Variants in SUGCT observed in about 807,000 individuals in gnomAD.
SUGCT encodes the protein succinyl-CoA:glutarate-CoA transferase.
SUGCT carries 41 observed loss-of-function variants against 55.0 expected under a neutral mutation model. That is an observed-to-expected ratio of 0.74 (90% confidence interval 0.58 to 0.97). The LOEUF (loss-of-function observed/expected upper bound fraction) is 0.97, where lower values mean the gene tolerates loss of function less well. Ranked by LOEUF, SUGCT falls within the 50% of genes least tolerant of loss-of-function variation. The pLI is 0.00. For synonymous variants in SUGCT, 187 were observed against 200.4 expected, an observed-to-expected ratio of 0.93 and a Z score of 0.56; for missense variants, 568 against 547.8, an observed-to-expected ratio of 1.04 and a Z score of -0.37.
At chr7:40,595,473 T>C (rs1057064483) in intron 12 of SUGCT, among the ~76,000 whole-genome samples, 4 of 152,192 alleles carry the variant, frequency 2.6e-5, no homozygotes, top group African/African-American at 9.6e-5. Context: ...TGACACGTTG[T>C]CATTGATAAA....
intron 12 of SUGCT, among the ~76,000 whole-genome samples, chr7:40,499,895 A>T (rs1792187442): frequency 6.6e-6 from 1 of 152,128 alleles, no homozygotes; most frequent in Non-Finnish European, 1.5e-5. Context: ...TATTTAACAT[A>T]CCCTTGGGAA....
chr7:40,204,754 C>T (rs186476234), intron 6 of SUGCT, among the ~76,000 whole-genome samples: 6 of 150,144 alleles, frequency 4.0e-5, no homozygotes, highest in Admixed American at 2.0e-4. Flanking sequence ...AGTGAGACCT[C>T]GTCTCTAGAA....
chr7:40,477,555 T>G (rs1790769972), intron 11 of SUGCT, among the ~76,000 whole-genome samples: 1 of 152,200 alleles, frequency 6.6e-6, no homozygotes, highest in African/African-American at 2.4e-5. Flanking sequence ...ATCCTATGCC[T>G]CTTTTCTGTA....
intron 1 of SUGCT, among the ~76,000 whole-genome samples, chr7:40,154,648 C>G (rs1783792524): frequency 6.6e-6 from 1 of 152,006 alleles, no homozygotes; most frequent in South Asian, 2.1e-4. Context: ...GGCTTTACGG[C>G]CTGTTTTCTA....
At chr7:40,899,772 T>C in the SUGCT span, among the ~76,000 whole-genome samples, 2 of 152,160 alleles carry the variant, frequency 1.3e-5, no homozygotes, top group Non-Finnish European at 2.9e-5. Context: ...ACTTCAAACC[T>C]TTCAATGTTG....
intron 12 of SUGCT, among the ~76,000 whole-genome samples, chr7:40,627,264 G>A (rs1005420029): frequency 6.6e-6 from 1 of 152,218 alleles, no homozygotes; most frequent in Non-Finnish European, 1.5e-5. Flanking sequence ...ATGCCCCACA[G>A]TGTGGGAGTG....
chr7:40,837,677 G>T (rs1793057787), intron 13 of SUGCT, among the ~76,000 whole-genome samples: 1 of 152,068 alleles, frequency 6.6e-6, no homozygotes, highest in Non-Finnish European at 1.5e-5. Flanking sequence ...TCTGCCTCCT[G>T]GTTGAGCGAT....
At chr7:40,314,606 C>T (rs797019658) in intron 8 of SUGCT, among the ~76,000 whole-genome samples, 17 of 135,428 alleles carry the variant, frequency 1.3e-4, no homozygotes, top group African/African-American at 4.3e-4. Flanking sequence ...CTCTCGTTGC[C>T]GAGGCTGGAG....
chr7:40,512,700 G>A (rs1353961250), intron 12 of SUGCT, among the ~76,000 whole-genome samples: 1 of 152,070 alleles, frequency 6.6e-6, no homozygotes, highest in East Asian at 1.9e-4. Context: ...TGTGGAAAAT[G>A]TGGTGAAGGG....
At chr7:40,334,658 T>C (rs143697653) in intron 9 of SUGCT, among the ~76,000 whole-genome samples, 3 of 152,368 alleles carry the variant, frequency 2.0e-5, no homozygotes, top group African/African-American at 7.2e-5. Flanking sequence ...ATTAGCTCTT[T>C]GTCAGATGAG....
chr7:40,461,601 A>G (rs938089473), intron 11 of SUGCT, among the ~76,000 whole-genome samples: 3 of 152,200 alleles, frequency 2.0e-5, no homozygotes, highest in Non-Finnish European at 4.4e-5. Context: ...GTCCGTTGCC[A>G]TTGCCAAACA....
rs188611132 is a variant in SUGCT at position 40,482,382 on chromosome 7, A to G, written c.987-13902A>G. ...TCATGGTATGGAGAAAAGAATAAAA[A>G]GTAAACATCCACAATTTATACAAAA... is the stretch of plus-strand genomic sequence containing the variant. On this transcript the variant is annotated intron_variant, in intron 11 of 13. Transcript: ENST00000335693. Among the ~76,000 whole-genome samples the G allele has an allele frequency of 1.2e-4, 12 of 103,792 alleles. No individual in the cohort carries two copies. In the East Asian group the frequency reaches 2.4e-3, roughly 21 times the overall value. 68.1% of individuals were successfully genotyped at this position (103,792 alleles called of 152,430 possible).
intron 9 of SUGCT, among the ~76,000 whole-genome samples, chr7:40,326,734 A>G (rs1026805952): frequency 2.0e-5 from 3 of 152,194 alleles, no homozygotes; most frequent in Non-Finnish European, 2.9e-5. Flanking sequence ...GAATGGTTTA[A>G]TTAATTGAGA....
chr7:40,568,540 C>T (rs1796269672), intron 12 of SUGCT, among the ~76,000 whole-genome samples: 1 of 152,200 alleles, frequency 6.6e-6, no homozygotes, highest in Non-Finnish European at 1.5e-5. Context: ...TTGCCTCTTT[C>T]CTGGGACAGA....
intron 9 of SUGCT, among the ~76,000 whole-genome samples, chr7:40,397,193 G>C (rs992446920): frequency 1.3e-5 from 2 of 152,136 alleles, no homozygotes; most frequent in African/African-American, 4.8e-5. Context: ...AAAGCAGACT[G>C]TATCTCAAAG....
intron 12 of SUGCT, among the ~76,000 whole-genome samples, chr7:40,742,901 GAAATA>G (rs577373255): frequency 9.2e-5 from 14 of 152,104 alleles, no homozygotes; most frequent in Admixed American, 2.0e-4. Flanking sequence ...GCTAAAATGG[GAAATA>G]AAATAAAGAA....
At chr7:40,803,844 T>G (rs1790944959) in intron 13 of SUGCT, among the ~76,000 whole-genome samples, 1 of 152,240 alleles carries the variant, frequency 6.6e-6, no homozygotes, top group African/African-American at 2.4e-5. Context: ...ATGCTAGTTT[T>G]ATTGAAGACT....
chr7:40,828,313 G>A (rs1369716799), intron 13 of SUGCT, among the ~76,000 whole-genome samples: 1 of 152,142 alleles, frequency 6.6e-6, no homozygotes, highest in Non-Finnish European at 1.5e-5. Context: ...TGTTCCAGTT[G>A]GGGGCTATAG....
chr7:40,666,418 A>ATTTT (rs1217183589), intron 12 of SUGCT, among the ~76,000 whole-genome samples: 1 of 83,134 alleles, frequency 1.2e-5, no homozygotes, highest in Non-Finnish European at 2.4e-5. Flanking sequence ...GTTATAGGTT[A>ATTTT]GTTTTTTTTT....
Sources: allele counts gnomAD v4.1 joint callset (sites outside exome capture counted in the v4.1 genomes callset), GRCh38; gene constraint gnomAD v4.1.1; transcripts MANE v1.5; gene names NCBI Gene and HGNC (gene_info 2026-07-23, HGNC 2026-07-21).